SNTG1: variants seen among roughly 807,000 people sequenced by gnomAD.
SNTG1 encodes syntrophin gamma 1, also known as gamma-1-syntrophin.
A neutral mutation model predicts 74.7 loss-of-function variants in SNTG1; 39 were observed. The ratio of observed to expected loss-of-function variants is 0.52; its 90% confidence interval spans 0.40 to 0.68. SNTG1 has a LOEUF of 0.68. Among genes scored for constraint, SNTG1 ranks in the 30% least tolerant of loss-of-function variants. SNTG1 has a pLI of 0.00. For synonymous variants in SNTG1, 254 were observed against 217.1 expected, an observed-to-expected ratio of 1.17 and a Z score of -1.49; for missense variants, 685 against 609.5, an observed-to-expected ratio of 1.12 and a Z score of -1.30.
intron 4 of SNTG1, among the ~76,000 whole-genome samples, chr8:50,404,206 C>T (rs370747693): frequency 2.0e-5 from 3 of 151,966 alleles, no homozygotes; most frequent in East Asian, 3.9e-4. Flanking sequence ...CACTCAGGAA[C>T]ATATTTAACA....
intron 1 of SNTG1, among the ~76,000 whole-genome samples, chr8:50,058,041 T>C (rs1408888300): frequency 6.6e-6 from 1 of 152,134 alleles, no homozygotes; most frequent in Non-Finnish European, 1.5e-5. Flanking sequence ...TCAAAAACTT[T>C]TGTAAATTTC....
At chr8:50,745,604 A>T (rs2095553355) in intron 17 of SNTG1, among the ~76,000 whole-genome samples, 1 of 152,026 alleles carries the variant, frequency 6.6e-6, no homozygotes, top group East Asian at 1.9e-4. Flanking sequence ...ATACTTGTAC[A>T]CCAATGTTCA....
chr8:50,077,287 G>A (rs1821980260), intron 1 of SNTG1, among the ~76,000 whole-genome samples: 1 of 152,072 alleles, frequency 6.6e-6, no homozygotes, highest in Non-Finnish European at 1.5e-5. Context: ...TGAAGGGCAG[G>A]ATAACTAAAG....
At chr8:50,549,301 C>A (rs1563559256) in intron 11 of SNTG1, among the ~76,000 whole-genome samples, 1 of 152,124 alleles carries the variant, frequency 6.6e-6, no homozygotes, top group Non-Finnish European at 1.5e-5. Flanking sequence ...TTACACTCAA[C>A]AAGACAGAGT....
At position 50,553,068 on chromosome 8, in the gene SNTG1, C is replaced by T; in HGVS notation, c.699C>T (p.Val233=). 1 of 1,613,834 alleles carries T rather than the reference C, an allele frequency of 6.2e-7. No homozygotes were observed. Among genetic ancestry groups the T allele is most frequent in the Non-Finnish European group, 8.5e-7 (1 of 1,179,834 alleles). The part of the protein sequence containing the change: ...TDLSRQNAFQ[V]IAVDGVCTGI... ...TCTGCAGGCAGAATGCCTTTCAAGTCATTGCTGTGGATGGGGTCTGCACTG... is the reference window on the plus strand; with the variant it reads ...TCTGCAGGCAGAATGCCTTTCAAGTTATTGCTGTGGATGGGGTCTGCACTG... Residue 233 remains valine, a synonymous_variant, in exon 12 of 19, where the codon GTC becomes GTT. Transcript: ENST00000642720.
intron 17 of SNTG1, among the ~76,000 whole-genome samples, chr8:50,736,806 C>T (rs1369488441): frequency 6.6e-6 from 1 of 152,080 alleles, no homozygotes; most frequent in African/African-American, 2.4e-5. Context: ...AACTGAACAA[C>T]CTGCTCCTGA....
At chr8:50,034,243 A>G (rs920491045) in intron 1 of SNTG1, among the ~76,000 whole-genome samples, 2 of 152,206 alleles carry the variant, frequency 1.3e-5, no homozygotes, top group African/African-American at 2.4e-5. Context: ...GTTACAAAGC[A>G]TTAGAAGAAA....
intron 2 of SNTG1, among the ~76,000 whole-genome samples, chr8:50,292,490 G>A (rs2089165168): frequency 6.6e-6 from 1 of 152,064 alleles, no homozygotes. Flanking sequence ...GAAGTGTGAA[G>A]ACTGGTTCAG....
intron 2 of SNTG1, among the ~76,000 whole-genome samples, chr8:50,220,605 G>T (rs13249544): frequency 0.029 from 4,365 of 152,232 alleles, 91 homozygotes; most frequent in Non-Finnish European, 0.042. Context: ...GAGCTGGTGG[G>T]TACAAACTGG....
intron 12 of SNTG1, among the ~76,000 whole-genome samples, chr8:50,562,646 A>G (rs140800841): frequency 6.6e-6 from 1 of 152,306 alleles, no homozygotes; most frequent in African/African-American, 2.4e-5. Context: ...TAGGAATTTG[A>G]TATGACAACA....
chr8:50,329,700 C>T (rs1448105876), intron 2 of SNTG1, among the ~76,000 whole-genome samples: 1 of 152,114 alleles, frequency 6.6e-6, no homozygotes, highest in Non-Finnish European at 1.5e-5. Flanking sequence ...GAGGCTGCCA[C>T]CAAGATCTCT....
At chr8:50,034,520 T>C (rs1475002147) in intron 1 of SNTG1, among the ~76,000 whole-genome samples, 2 of 150,012 alleles carry the variant, frequency 1.3e-5, no homozygotes, top group African/African-American at 4.9e-5. Flanking sequence ...CAGAGGTTGC[T>C]CACCAGGGTG....
rs1563453672 is a variant in SNTG1 at position 50,484,156 on chromosome 8, C to CTTT, written c.364-18622_364-18621insTTT. On this transcript the variant is annotated intron_variant, in intron 8 of 18. Coordinates refer to ENST00000642720, the MANE Select transcript of SNTG1 (RefSeq NM_018967.5). ...TCTTTCCTTCTTTCTTTCTTTCCTT[C>CTTT]CTTCCTTCCTTCCTTCCTTCCTTCC... Among the ~76,000 whole-genome samples the CTTT allele has an allele frequency of 9.6e-3, 514 of 53,524 alleles. 2 individuals carry two copies. Among genetic ancestry groups the CTTT allele is most frequent in the African/African-American group, 0.023 (322 of 14,056 alleles). The allele number at this position is 53,524 out of a possible 152,430, so 35.1% of individuals were successfully genotyped here.
intron 17 of SNTG1, among the ~76,000 whole-genome samples, chr8:50,745,334 C>G (rs1020060839): frequency 6.6e-6 from 1 of 151,902 alleles, no homozygotes; most frequent in African/African-American, 2.4e-5. Flanking sequence ...CAAGTCAGAA[C>G]CACAGGAGTT....
chr8:50,057,014 A>G (rs1305356009), intron 1 of SNTG1, among the ~76,000 whole-genome samples: 6 of 152,186 alleles, frequency 3.9e-5, no homozygotes, highest in Non-Finnish European at 8.8e-5. Flanking sequence ...ATATTGTTGC[A>G]AGAGATAAGA....
intron 1 of SNTG1, among the ~76,000 whole-genome samples, chr8:50,134,531 A>T (rs546899498): frequency 6.6e-6 from 1 of 152,196 alleles, no homozygotes; most frequent in African/African-American, 2.4e-5. Context: ...GCTTTTTTTT[A>T]AATAGAATAT....
At position 49,953,967 on chromosome 8, in the gene SNTG1, G is replaced by T. The variant is rs150429002; in HGVS notation, c.-103+41736G>T. Among the ~76,000 whole-genome samples, 73 of 152,204 alleles carry T rather than the reference G, an allele frequency of 4.8e-4. 1 individual carries two copies. Among genetic ancestry groups the T allele is most frequent in the African/African-American group, 1.7e-3 (69 of 41,536 alleles). On this transcript the variant is annotated intron_variant, in intron 1 of 18. Transcript: ENST00000642720. Reference sequence around the variant, plus strand: ...TTATATTCATAGCAAAAATGTTCTAGATTGAAAACCAAAAGATGGAAATTC... The same window carrying T: ...TTATATTCATAGCAAAAATGTTCTATATTGAAAACCAAAAGATGGAAATTC...
intron 15 of SNTG1, among the ~76,000 whole-genome samples, chr8:50,669,258 T>C (rs1480063711): frequency 2.7e-5 from 4 of 149,572 alleles, no homozygotes; most frequent in Non-Finnish European, 5.9e-5. Context: ...CAGGAGATGG[T>C]TTTTTCAAAG....
intron 2 of SNTG1, among the ~76,000 whole-genome samples, chr8:50,279,884 T>G (rs2130412231): frequency 6.6e-6 from 1 of 152,314 alleles, no homozygotes. Flanking sequence ...AATCAATGCC[T>G]TCCCCACTGA....
Sources: allele counts gnomAD v4.1 joint callset (sites outside exome capture counted in the v4.1 genomes callset), GRCh38; gene constraint gnomAD v4.1.1; transcripts MANE v1.5; gene names NCBI Gene and HGNC (gene_info 2026-07-23, HGNC 2026-07-21).